FLG: variants seen among roughly 807,000 people sequenced by gnomAD.
FLG encodes the protein epidermal filaggrin.
A neutral mutation model predicts 3.8 loss-of-function variants in FLG; 6 were observed. The ratio of observed to expected loss-of-function variants is 1.60; its 90% CI spans 0.87 to 3.15. The LOEUF (loss-of-function observed/expected upper bound fraction) is 3.15. Ranked by LOEUF, FLG falls within the 30% of genes most tolerant of loss-of-function variation. The pLI is 0.00. For missense variants in FLG, 7,595 were observed against 5,050.9 expected, an observed-to-expected ratio of 1.50 and a Z score of -15.27; for synonymous variants, 2,551 against 1,931.6, an observed-to-expected ratio of 1.32 and a Z score of -8.41.
chr1:152,303,729 C>A lies in FLG; in HGVS notation c.11157G>T (p.Gln3719His), dbSNP rs1305050870. The A allele has an allele frequency of 6.2e-7, 1 of 1,614,032 alleles. No individual in the cohort carries two copies. The highest frequency in any genetic ancestry group is 8.5e-7 in the Non-Finnish European group (1 of 1,179,972). Residue 3719 changes from glutamine (Q) to histidine (H), a missense_variant, in exon 3 of 3, where the codon CAG becomes CAT. Gln to His is a conservative substitution (Grantham distance 24). Transcript: ENST00000368799. ...SFLYQVSTHEQSESAHGRAGP... is the reference protein window; with the variant it reads ...SFLYQVSTHEHSESAHGRAGP... Reference sequence around the variant, plus strand: ...CAGCCCGTCCATGGGCAGACTCAGACTGTTCATGAGTGCTCACCTGGTAGA... The same window carrying A: ...CAGCCCGTCCATGGGCAGACTCAGAATGTTCATGAGTGCTCACCTGGTAGA...
rs150416073 is a variant in FLG at position 152,313,014 on chromosome 1, G to C, written c.1872C>G (p.Asp624Glu). 10 of 1,614,016 alleles carry C rather than the reference G, an allele frequency of 6.2e-6. No homozygotes were observed. Among genetic ancestry groups the C allele is most frequent in the South Asian group, 2.2e-5 (2 of 91,080 alleles). ...CTTCTGAGTGTCCCTGACTGTCACT[G>C]TCCTGGCTAACACTGGATCCCTGGT... ...SRNQGSSVSQDSDSQGHSEDS... is the reference protein window; with the variant it reads ...SRNQGSSVSQESDSQGHSEDS... Residue 624 changes from aspartate to glutamate, a missense_variant, in exon 3 of 3, where the codon GAC (aspartate) becomes GAG (glutamate). Physicochemically the swap from Asp to Glu is conservative, Grantham distance 45. Transcript: ENST00000368799.
Position 152,303,687 on chromosome 1 carries a change from T to A in FLG, c.11199A>T (p.Gly3733=). The A allele has an allele frequency of 6.2e-7, 1 of 1,613,956 alleles. No individual in the cohort carries two copies. Among genetic ancestry groups the A allele is most frequent in the South Asian group, 1.1e-5 (1 of 91,076 alleles). Residue 3733 remains glycine, a synonymous_variant, in exon 3 of 3, where the codon GGA becomes GGT. Coordinates refer to ENST00000368799, the MANE Select transcript of FLG (RefSeq NM_002016.2). ...AHGRAGPSTG[G]RQGSRHEQAR... ...CCTGCTCGTGGCGGGATCCTTGTCT[T>A]CCTCCAGTACTGGGCCCAGCCCGTC...
At chr1:152,324,140 A>T (rs1393556709) in intron 1 of FLG, among the ~76,000 whole-genome samples, 2 of 151,786 alleles carry the variant, frequency 1.3e-5, no homozygotes, top group Admixed American at 1.3e-4. Context: ...TATTTCCATC[A>T]TCTTTCACAT....
chr1:152,309,657 A>G lies in FLG; in HGVS notation c.5229T>C (p.His1743=). 1 of 1,613,226 alleles carries G rather than the reference A, an allele frequency of 6.2e-7. No homozygotes were observed. Residue 1743 remains histidine, a synonymous_variant, in exon 3 of 3, where the codon CAT becomes CAC. Coordinates refer to ENST00000368799, the MANE Select transcript of FLG (RefSeq NM_002016.2). ...SVSAHGQAGP[H]QQSHQESTRG... ...GTGTGGACTCTTGGTGGCTCTGCTGATGGGGCCCAGCCTGTCCGTGGGCTG... is the reference window on the plus strand; with the variant it reads ...GTGTGGACTCTTGGTGGCTCTGCTGGTGGGGCCCAGCCTGTCCGTGGGCTG...
rs912328039 is a variant in FLG at position 152,313,652 on chromosome 1, G to A, written c.1234C>T (p.Arg412Cys). The change falls in exon 3 of 3, where the codon CGT (arginine) becomes TGT (cysteine). Residue 412 changes from arginine (R) to cysteine (C), a missense_variant. Coordinates refer to ENST00000368799, the MANE Select transcript of FLG (RefSeq NM_002016.2). Reference protein sequence around the residue: ...RGQASSAVSDRGHRGSSGSQA... With the variant: ...RGQASSAVSDCGHRGSSGSQA... ...CTACCGCTAGACCCCCGGTGTCCAC[G>A]ATCGCTGACTGCAGATGAAGCTTGC... 10 of 1,613,232 alleles carry A rather than the reference G, an allele frequency of 6.2e-6. No individual in the cohort carries two copies. The highest frequency in any genetic ancestry group is 2.7e-5 in the African/African-American group (2 of 74,664).
Position 152,305,372 on chromosome 1 carries a change from C to T in FLG, c.9514G>A (p.Gly3172Arg), listed in dbSNP as rs1651886046. The T allele has an allele frequency of 1.2e-6, 2 of 1,607,490 alleles. No individual in the cohort carries two copies. The highest frequency in any genetic ancestry group is 8.5e-7 in the Non-Finnish European group (1 of 1,179,054). ...SRTTRNEEQS[G>R]DSSRHSVSRH... ...GACACTGAGTGCCTGGAGCTGTCTC[C>T]TGATTGTTCCTCATTACGTGTTGTT... The change falls in exon 3 of 3, where the codon GGA becomes AGA. Residue 3172 changes from glycine to arginine, a missense_variant. Gly to Arg is a moderately radical substitution (Grantham distance 125). Transcript: ENST00000368799.
Position 152,312,521 on chromosome 1 carries a change from G to C in FLG, c.2365C>G (p.Arg789Gly). The C allele has an allele frequency of 6.2e-7, 1 of 1,613,540 alleles. No individual in the cohort carries two copies. Among genetic ancestry groups the C allele is most frequent in the East Asian group, 2.2e-5 (1 of 44,796 alleles). ...ARDRSGERSR[R>G]SGSFLYQVST... ...ACCTGGTAGAGGAAAGACCCTGAAC[G>C]TCGAGACCTTTCCCCTGACCGGTCA... is the stretch of plus-strand genomic sequence containing the variant. Residue 789 changes from arginine to glycine, a missense_variant, in exon 3 of 3, where the codon CGT becomes GGT. Coordinates refer to ENST00000368799, the MANE Select transcript of FLG (RefSeq NM_002016.2).
rs76413899 is a variant in FLG, at chr1:152,312,377, C to T, written c.2509G>A (p.Gly837Ser). Residue 837 changes from glycine (G) to serine (S), a missense_variant, in exon 3 of 3, where the codon GGT (glycine) becomes AGT (serine). Transcript: ENST00000368799. The part of the protein sequence containing the change: ...DNSRHSASQD[G>S]QDTIRGHPGS... ...GGGTGTCCACGAATGGTGTCCTGAC[C>T]ATCTTGGGATGCTGAGTGCCTGGAG... The T allele has an allele frequency of 1.5e-3, 2,381 of 1,611,470 alleles. 39 individuals are homozygous for T. The East Asian group carries it at 0.04, about 27-fold the overall frequency.
At position 152,313,053 on chromosome 1, in the gene FLG, G is replaced by A. The variant is rs777692802; in HGVS notation, c.1833C>T (p.Pro611=). ...SQVGQGQSSG[P]RTSRNQGSSV... ...TGGATCCCTGGTTCCTACTTGTCCT[G>A]GGCCCCGATGATTGTCCCTGGCCCA... is the stretch of plus-strand genomic sequence containing the variant. Residue 611 remains proline, a synonymous_variant, in exon 3 of 3, where the codon CCC becomes CCT. Transcript: ENST00000368799. The A allele has an allele frequency of 1.2e-6, 2 of 1,613,924 alleles. No homozygotes were observed. Among genetic ancestry groups the A allele is most frequent in the East Asian group, 2.2e-5 (1 of 44,850 alleles).
Position 152,307,612 on chromosome 1 carries a change from T to G in FLG, c.7274A>C (p.Glu2425Ala), listed in dbSNP as rs148955202. The G allele has an allele frequency of 2.0e-4, 318 of 1,613,648 alleles. 1 individual carries two copies. Among genetic ancestry groups the G allele is most frequent in the Non-Finnish European group, 2.5e-4 (296 of 1,179,952 alleles). Residue 2425 changes from glutamate (E) to alanine (A), a missense_variant, in exon 3 of 3, where the codon GAG (glutamate) becomes GCG (alanine). Glu to Ala is a moderately radical substitution (Grantham distance 107). Coordinates refer to ENST00000368799, the MANE Select transcript of FLG (RefSeq NM_002016.2). Reference protein sequence around the residue: ...LYQVSTHEQSESAHGRTGTST... With the variant: ...LYQVSTHEQSASAHGRTGTST... ...GGTCCCGGTCCGTCCATGGGCGGACTCAGACTGTTCATGAGTGCTCACCTG... is the reference window on the plus strand; with the variant it reads ...GGTCCCGGTCCGTCCATGGGCGGACGCAGACTGTTCATGAGTGCTCACCTG...
chr1:152,306,148 C>A lies in FLG; in HGVS notation c.8738G>T (p.Arg2913Ile), dbSNP rs143503227. Residue 2913 changes from arginine to isoleucine, a missense_variant, in exon 3 of 3, where the codon AGA (arginine) becomes ATA (isoleucine). Transcript: ENST00000368799. ...DSERWSGSAS[R>I]NHHGSAQEQL... ...CTCCTGAGCAGATCCATGATGGTTT[C>A]TGGAAGCAGACCCAGACCACCTCTC... The A allele has an allele frequency of 6.6e-4, 1,050 of 1,600,832 alleles. 11 individuals are homozygous for A. The African/African-American group carries it at 0.015, about 22-fold the overall frequency.
chr1:152,303,135 A>G lies in FLG; in HGVS notation c.11751T>C (p.Pro3917=), dbSNP rs367824191. ...RDTASHVQSS[P]VQSDSSTAKE... ...TAGCGGTACTAGAGTCTGACTGTAC[A>G]GGTGAAGACTGTACATGACTGGCTG... Residue 3917 remains proline, a synonymous_variant, in exon 3 of 3, where the codon CCT becomes CCC. Coordinates refer to ENST00000368799, the MANE Select transcript of FLG (RefSeq NM_002016.2). The G allele has an allele frequency of 7.0e-5, 113 of 1,614,102 alleles. No individual in the cohort carries two copies. Among genetic ancestry groups the G allele is most frequent in the Non-Finnish European group, 9.1e-5 (107 of 1,180,044 alleles).
In FLG at chr1:152,311,145, A is replaced by G. The variant is rs1236603708; in HGVS notation, c.3741T>C (p.Ser1247=). 1 of 1,613,590 alleles carries G rather than the reference A, an allele frequency of 6.2e-7. No homozygotes were observed. Among genetic ancestry groups the G allele is most frequent in the Non-Finnish European group, 8.5e-7 (1 of 1,179,964 alleles). The change falls in exon 3 of 3, where the codon TCT becomes TCC. Residue 1247 remains serine (S), a synonymous_variant. Coordinates refer to ENST00000368799, the MANE Select transcript of FLG (RefSeq NM_002016.2). The part of the protein sequence containing the change: ...HHEAASWADS[S]RHSQVGQEQS... ...GTTCCTGTCCCACCTGTGAGTGTCT[A>G]GAGCTGTCAGCCCAAGAGGCAGCTT...
intron 1 of FLG, among the ~76,000 whole-genome samples, chr1:152,315,905 A>C (rs1183106777): frequency 6.6e-6 from 1 of 152,246 alleles, no homozygotes; most frequent in African/African-American, 2.4e-5. Context: ...CAATTCTCTG[A>C]AAGCCAGTTA....
In FLG at chr1:152,311,036, C is replaced by T. The variant is rs757534632; in HGVS notation, c.3850G>A (p.Glu1284Lys). 29 of 1,613,780 alleles carry T rather than the reference C, an allele frequency of 1.8e-5. No homozygotes were observed. In the South Asian group the frequency reaches 2.1e-4, roughly 12 times the overall value. ...CTGGAAGCAGACCCAGACAACCTCT[C>T]GGAGTCGTCTGAGTGTCTCTCACTG... ...SDSERHSDDS[E>K]RLSGSASRNH... The change falls in exon 3 of 3, where the codon GAG becomes AAG. Residue 1284 changes from glutamate to lysine, a missense_variant. By Grantham distance (56) the Glu-to-Lys change is moderately conservative. Transcript: ENST00000368799.
At chr1:152,316,834 C>T (rs1300596966) in intron 1 of FLG, among the ~76,000 whole-genome samples, 4 of 152,096 alleles carry the variant, frequency 2.6e-5, no homozygotes, top group African/African-American at 4.8e-5. Flanking sequence ...TGTTTAATCT[C>T]CCCAAATGCC....
rs542281846 is a variant in FLG, at chr1:152,311,023, C to A, written c.3863G>T (p.Gly1288Val). Residue 1288 changes from glycine to valine, a missense_variant, in exon 3 of 3, where the codon GGG (glycine) becomes GTG (valine). By Grantham distance (109) the Gly-to-Val change is moderately radical (BLOSUM62 -3). Transcript: ENST00000368799. ...RHSDDSERLSGSASRNHHGSS... is the reference protein window; with the variant it reads ...RHSDDSERLSVSASRNHHGSS... Reference sequence around the variant, plus strand: ...TCCATGATGGTTTCTGGAAGCAGACCCAGACAACCTCTCGGAGTCGTCTGA... The same window carrying A: ...TCCATGATGGTTTCTGGAAGCAGACACAGACAACCTCTCGGAGTCGTCTGA... 1.2e-6 allele frequency: 2 copies of A among 1,613,674 alleles called. No homozygotes were observed. Among genetic ancestry groups the A allele is most frequent in the Non-Finnish European group, 1.7e-6 (2 of 1,179,944 alleles).
In FLG at chr1:152,312,952, T is replaced by A; in HGVS notation, c.1934A>T (p.His645Leu). The stretch of plus-strand genomic sequence containing the variant: ...TGACTGCTCCTGAGCAGATCCATGA[T>A]GGTTTCTGGAAGCAGACCCAGACCA... ...ERWSGSASRN[H>L]HGSAQEQSRD... Residue 645 changes from histidine (H) to leucine (L), a missense_variant, in exon 3 of 3, where the codon CAT becomes CTT. Transcript: ENST00000368799. The A allele has an allele frequency of 6.2e-7, 1 of 1,614,014 alleles. No homozygotes were observed. The highest frequency in any genetic ancestry group is 8.5e-7 in the Non-Finnish European group (1 of 1,180,018).
chr1:152,314,197 G>C lies in FLG; in HGVS notation c.689C>G (p.Ser230Ter). 6.2e-7 allele frequency: 1 copy of C among 1,613,986 alleles called. No homozygotes were observed. Among genetic ancestry groups the C allele is most frequent in the Non-Finnish European group, 8.5e-7 (1 of 1,179,998 alleles). ...TGTGTAATATGTGGCAATATGGCCT[G>C]ATTGTATCCATTTTTGAGTCATTCT... The part of the protein sequence containing the change: ...TGRMTQKWIQ[S>*]GHIATYYTIQ... The change falls in exon 3 of 3, where the codon TCA (serine) becomes TGA (stop). Residue 230 changes from serine (S) to a stop codon, truncating the protein, a stop_gained. Coordinates refer to ENST00000368799, the MANE Select transcript of FLG (RefSeq NM_002016.2). LOFTEE classifies it low-confidence loss of function (END_TRUNC).
Sources: gnomAD v4.1 joint callset for allele counts (sites outside exome capture counted in the v4.1 genomes callset) on GRCh38, gnomAD v4.1.1 for gene constraint, MANE v1.5 for transcripts, NCBI Gene and HGNC (gene_info 2026-07-23, HGNC 2026-07-21) for gene names.